Variants in LRRC31 observed in about 807,000 individuals in gnomAD.
LRRC31 encodes leucine-rich repeat-containing protein 31.
LRRC31 carries 35 observed loss-of-function variants against 46.7 expected under a neutral mutation model. The observed-to-expected ratio is 0.75, with a 90% confidence interval of 0.57 to 0.99. The LOEUF (loss-of-function observed/expected upper bound fraction) is 0.99. Ranked by LOEUF, LRRC31 falls within the 50% of genes least tolerant of loss-of-function variation. LRRC31 has a pLI of 0.00. For missense variants in LRRC31, 613 were observed against 626.1 expected (o/e 0.98, Z 0.22); for synonymous variants, 236 against 235.1 (o/e 1.00, Z -0.03).
chr3:169,855,758 G>T (rs1019173904), intron 5 of LRRC31, among the ~76,000 whole-genome samples: 9 of 152,064 alleles, frequency 5.9e-5, no homozygotes, highest in African/African-American at 1.7e-4. Context: ...AGTAGTTCTA[G>T]CAGCAAAGAA....
chr3:169,844,364 C>T (rs1307968671), intron 8 of LRRC31, among the ~76,000 whole-genome samples: 1 of 151,980 alleles, frequency 6.6e-6, no homozygotes, highest in African/African-American at 2.4e-5. Flanking sequence ...TTTAAATGCT[C>T]ATCTCAATAG....
In LRRC31 at chr3:169,839,551, T is replaced by C. The variant is rs958801069; in HGVS notation, c.*431A>G. ...ACACACACACACACATACCCCTTTA[T>C]ATTTAGAACATTTAACTTGTAGGAA... On this transcript the variant is annotated 3_prime_UTR_variant, in exon 9 of 9. Transcript: ENST00000316428. 1 of 152,014 alleles carries C rather than the reference T, an allele frequency of 6.6e-6. No individual in the cohort carries two copies. Among genetic ancestry groups the C allele is most frequent in the Non-Finnish European group, 1.5e-5 (1 of 68,058 alleles). The allele number at this position is 152,014 out of a possible 1,614,324, so 9.4% of individuals were successfully genotyped here. A position where few individuals can be genotyped will look rare whatever the true frequency, so the allele number is the denominator to read the frequency against.
At chr3:169,851,161 C>A (rs1169143519) in intron 7 of LRRC31, among the ~76,000 whole-genome samples, 1 of 152,064 alleles carries the variant, frequency 6.6e-6, no homozygotes, top group Non-Finnish European at 1.5e-5. Flanking sequence ...CCATGTCCTG[C>A]AGGTGGGCAT....
chr3:169,868,652 C>T (rs561208227), intron 1 of LRRC31, among the ~76,000 whole-genome samples: 2 of 152,198 alleles, frequency 1.3e-5, no homozygotes, highest in Non-Finnish European at 2.9e-5. Context: ...AAGAAATGAT[C>T]GTTTGTGTTA....
chr3:169,864,484 C>A (rs7636325), intron 1 of LRRC31, among the ~76,000 whole-genome samples: 1 of 152,164 alleles, frequency 6.6e-6, no homozygotes, highest in African/African-American at 2.4e-5. Flanking sequence ...CCTCTCTGAG[C>A]CTTGGTTTAC....
intron 6 of LRRC31, among the ~76,000 whole-genome samples, chr3:169,852,298 G>A (rs988449413): frequency 5.3e-5 from 8 of 151,168 alleles, no homozygotes; most frequent in African/African-American, 1.9e-4. Flanking sequence ...AGCTACTCGG[G>A]AGGCTGAGAC....
chr3:169,846,378 G>A (rs1198737775), intron 8 of LRRC31, among the ~76,000 whole-genome samples: 4 of 152,202 alleles, frequency 2.6e-5, no homozygotes, highest in East Asian at 1.9e-4. Context: ...GCCTGGGCAC[G>A]GTGGCTCACG....
In LRRC31 at chr3:169,861,775, T is replaced by C. The variant is rs200472237; in HGVS notation, c.214A>G (p.Met72Val). 1 of 1,614,168 alleles carries C rather than the reference T, an allele frequency of 6.2e-7. No homozygotes were observed. The highest frequency in any genetic ancestry group is 1.3e-5 in the African/African-American group (1 of 75,066). Reference sequence around the variant, plus strand: ...TGCAGGAAATGCTCATTTTTCTCCATACTGGATCTCCATTCCATTTCTGAA... The same window carrying C: ...TGCAGGAAATGCTCATTTTTCTCCACACTGGATCTCCATTCCATTTCTGAA... ...LSSEMEWRSS[M>V]EKNEHFLQKL... Residue 72 changes from methionine (M) to valine (V), a missense_variant, in exon 2 of 9, where the codon ATG (methionine) becomes GTG (valine). Met to Val is a conservative substitution (Grantham distance 21). Coordinates refer to ENST00000316428, the MANE Select transcript of LRRC31 (RefSeq NM_024727.4).
At position 169,840,254 on chromosome 3, in the gene LRRC31, C is replaced by A; in HGVS notation, c.1387G>T (p.Asp463Tyr). 6.2e-7 allele frequency: 1 copy of A among 1,614,124 alleles called. No homozygotes were observed. The highest frequency in any genetic ancestry group is 8.5e-7 in the Non-Finnish European group (1 of 1,180,012). Residue 463 changes from aspartate to tyrosine, a missense_variant, in exon 9 of 9, where the codon GAC (aspartate) becomes TAC (tyrosine). Asp to Tyr is a radical substitution (Grantham distance 160). Transcript: ENST00000316428. ...GTCCACCCCGCATCACAGATGCTGTCATTGTAGCTCAGGTCCAGCTTTTGC... is the reference window on the plus strand; with the variant it reads ...GTCCACCCCGCATCACAGATGCTGTAATTGTAGCTCAGGTCCAGCTTTTGC... ...KLQKLDLSYNDSICDAGWTMF... is the reference protein window; with the variant it reads ...KLQKLDLSYNYSICDAGWTMF...
rs140891343 is a variant in LRRC31 at position 169,843,961 on chromosome 3, G to A, written c.1328-3648C>T. 5.7e-3 allele frequency among the ~76,000 whole-genome samples: 860 copies of A among 152,118 alleles called. 4 individuals are homozygous for A. The highest frequency in any genetic ancestry group is 8.6e-3 in the Non-Finnish European group (587 of 68,008). ...TATCTCTATTTTTTAAATTGAATTCGTAATTTAAAATATCCCACAAAGAAA... is the reference window on the plus strand; with the variant it reads ...TATCTCTATTTTTTAAATTGAATTCATAATTTAAAATATCCCACAAAGAAA... On this transcript the variant is annotated intron_variant, in intron 8 of 8. Coordinates refer to ENST00000316428, the MANE Select transcript of LRRC31 (RefSeq NM_024727.4).
At chr3:169,853,818 T>A in intron 6 of LRRC31, 1 of 578,072 alleles carries the variant, frequency 1.7e-6, no homozygotes, top group Non-Finnish European at 2.2e-6. Flanking sequence ...AATTGTACTA[T>A]AAACAACCAG....
At chr3:169,844,590 G>A (rs180686929) in intron 8 of LRRC31, among the ~76,000 whole-genome samples, 3 of 152,108 alleles carry the variant, frequency 2.0e-5, no homozygotes, top group African/African-American at 4.8e-5. Context: ...AATCTAGCCA[G>A]CTAAATAACC....
chr3:169,861,388 A>G (rs867622004), intron 2 of LRRC31, among the ~76,000 whole-genome samples: 8 of 151,002 alleles, frequency 5.3e-5, no homozygotes, highest in African/African-American at 9.7e-5. Context: ...AAAAAAAGAA[A>G]AAAGAAAAAA....
At chr3:169,859,115 G>A (rs1443772945) in intron 3 of LRRC31, among the ~76,000 whole-genome samples, 3 of 149,714 alleles carry the variant, frequency 2.0e-5, no homozygotes, top group Admixed American at 6.7e-5. Context: ...GCATGGTGGT[G>A]CACGCCTAAA....
At position 169,856,391 on chromosome 3, in the gene LRRC31, C is replaced by G. The variant is rs766825515; in HGVS notation, c.768G>C (p.Leu256=). 9.2e-5 allele frequency: 148 copies of G among 1,603,968 alleles called. No individual in the cohort carries two copies. Among genetic ancestry groups the G allele is most frequent in the Non-Finnish European group, 1.2e-4 (142 of 1,175,422 alleles). Residue 256 remains leucine (L), a synonymous_variant, in exon 5 of 9, where the codon CTG becomes CTC. Transcript: ENST00000316428. ...IAQGLKSTSN[L]KVLKLHSCGL... ...CACATGAATGTAACTTCAGTACTTT[C>G]AGATTTGAGGTGCTTTTTAATCCCT...
chr3:169,850,926 C>G (rs1445866880), intron 7 of LRRC31, among the ~76,000 whole-genome samples: 1 of 152,042 alleles, frequency 6.6e-6, no homozygotes, highest in Non-Finnish European at 1.5e-5. Context: ...TGCTGGGGTC[C>G]CCAACACCAC....
intron 3 of LRRC31, among the ~76,000 whole-genome samples, chr3:169,857,345 T>TATATATATACAC (rs1491209579): frequency 8.9e-5 from 8 of 89,426 alleles, no homozygotes; most frequent in East Asian, 5.9e-4. Context: ...TATATATATA[T>TATATATATACAC]ACACACACAC....
intron 8 of LRRC31, among the ~76,000 whole-genome samples, chr3:169,841,426 CA>C (rs1780444624): frequency 6.6e-6 from 1 of 152,158 alleles, no homozygotes; most frequent in Non-Finnish European, 1.5e-5. Flanking sequence ...TTTCACTTGC[CA>C]ACAGTTTGAT....
At chr3:169,861,569 G>A in intron 2 of LRRC31, 101 bp downstream of exon 2, 1 of 1,215,288 alleles carries the variant, frequency 8.2e-7, no homozygotes, top group East Asian at 2.4e-5. Context: ...GGACCACTCA[G>A]CAGACTTGGG....
Sources: gnomAD v4.1 joint callset for allele counts (sites outside exome capture counted in the v4.1 genomes callset) on GRCh38, gnomAD v4.1.1 for gene constraint, MANE v1.5 for transcripts, NCBI Gene and HGNC (gene_info 2026-07-23, HGNC 2026-07-21) for gene names.